TTC39B: variants seen among roughly 807,000 people sequenced by gnomAD.
TTC39B encodes the protein tetratricopeptide repeat domain 39B.
A neutral mutation model predicts 96.6 loss-of-function variants in TTC39B; 92 were observed. That is an observed-to-expected ratio of 0.95 (90% CI 0.80 to 1.13). The LOEUF (loss-of-function observed/expected upper bound fraction) is 1.13. TTC39B is among the 50% of genes most tolerant of loss of function. The probability of loss-of-function intolerance (pLI) is 0.00; values close to 1 mark genes in which losing one functional copy is unlikely to be tolerated. For synonymous variants in TTC39B, 367 were observed against 299.4 expected (o/e 1.23, Z -2.33); for missense variants, 955 against 809.3 (o/e 1.18, Z -2.18).
intron 1 of TTC39B, among the ~76,000 whole-genome samples, chr9:15,269,798 T>A (rs1427612058): frequency 6.8e-6 from 1 of 147,528 alleles, no homozygotes; most frequent in Non-Finnish European, 1.5e-5. Context: ...GACGTTACAG[T>A]GAGCCGAGAT....
chr9:15,186,842 C>T (rs1386840548), intron 15 of TTC39B, 102 bp downstream of exon 15: 1 of 1,042,182 alleles, frequency 9.6e-7, no homozygotes. Flanking sequence ...ACTACAAGCA[C>T]ATGCCACCAG....
At chr9:15,166,025 A>C (rs1451335007) in exon 20 of TTC39B, 4 of 152,212 alleles carry the variant, frequency 2.6e-5, no homozygotes, top group Non-Finnish European at 5.9e-5. Context: ...GACTACCAAT[A>C]ATTAAAACTA....
intron 2 of TTC39B, among the ~76,000 whole-genome samples, chr9:15,235,670 A>G (rs1821745531): frequency 6.6e-6 from 1 of 152,228 alleles, no homozygotes; most frequent in Non-Finnish European, 1.5e-5. Context: ...AGCATCCTTA[A>G]AGAAAAAAAA....
At chr9:15,238,976 C>T (rs1342474396) in intron 2 of TTC39B, among the ~76,000 whole-genome samples, 1 of 152,130 alleles carries the variant, frequency 6.6e-6, no homozygotes, top group Admixed American at 6.5e-5. Flanking sequence ...CAGAGTGAGA[C>T]CCTGTCTCAA....
At chr9:15,271,254 AT>A (rs1260877326) in intron 1 of TTC39B, among the ~76,000 whole-genome samples, 1 of 152,072 alleles carries the variant, frequency 6.6e-6, no homozygotes, top group Non-Finnish European at 1.5e-5. Context: ...TTTGTGTTTA[AT>A]TTTGCCATCT....
intron 9 of TTC39B, 97 bp from the exon 10 acceptor site, chr9:15,191,352 T>A: frequency 1.3e-6 from 1 of 776,856 alleles, no homozygotes; most frequent in Non-Finnish European, 2.1e-6. Flanking sequence ...TTCAATAACA[T>A]GAGAAATTGG....
At chr9:15,267,024 A>C (rs899026888) in intron 2 of TTC39B, among the ~76,000 whole-genome samples, 1 of 152,174 alleles carries the variant, frequency 6.6e-6, no homozygotes. Context: ...GCTTGCAGTG[A>C]GCCGAGATCG....
chr9:15,298,271 T>A (rs1218284245), intron 1 of TTC39B, among the ~76,000 whole-genome samples: 2 of 152,162 alleles, frequency 1.3e-5, no homozygotes, highest in Non-Finnish European at 2.9e-5. Flanking sequence ...CCTCTGTGCT[T>A]GGACTGAGCC....
In TTC39B at chr9:15,263,751, A is replaced by T. The variant is rs182647087; in HGVS notation, c.275+4163T>A. 2.5e-3 allele frequency among the ~76,000 whole-genome samples: 383 copies of T among 152,244 alleles called. 4 individuals carry two copies. Among genetic ancestry groups the T allele is most frequent in the African/African-American group, 8.8e-3 (367 of 41,526 alleles). ...TCTTCGTGTATGGACTCCAGCACCTAATCTGGCTACCCCTTCTGATTTTGG... is the reference window on the plus strand; with the variant it reads ...TCTTCGTGTATGGACTCCAGCACCTTATCTGGCTACCCCTTCTGATTTTGG... On this transcript the variant is annotated intron_variant, in intron 2 of 19. Coordinates refer to ENST00000512701, the Ensembl canonical transcript of TTC39B.
At chr9:15,225,373 T>G (rs1383822299) in intron 3 of TTC39B, among the ~76,000 whole-genome samples, 2 of 152,192 alleles carry the variant, frequency 1.3e-5, no homozygotes, top group African/African-American at 4.8e-5. Context: ...CTCTGAATTT[T>G]CTACAATGAA....
At chr9:15,272,035 TCATGCATCTGTTC>T (rs1308465130) in intron 1 of TTC39B, among the ~76,000 whole-genome samples, 1 of 152,194 alleles carries the variant, frequency 6.6e-6, no homozygotes, top group Non-Finnish European at 1.5e-5. Context: ...CAGAGACTGC[TCATGCATCTGTTC>T]CATATCCCTA....
chr9:15,293,888 G>A (rs1355195463), intron 1 of TTC39B, among the ~76,000 whole-genome samples: 1 of 152,172 alleles, frequency 6.6e-6, no homozygotes, highest in Non-Finnish European at 1.5e-5. Flanking sequence ...ACTGTGGGCT[G>A]TAACCAATCC....
intron 2 of TTC39B, among the ~76,000 whole-genome samples, chr9:15,241,601 G>C (rs1822043025): frequency 6.6e-6 from 1 of 152,088 alleles, no homozygotes; most frequent in South Asian, 2.1e-4. Flanking sequence ...TAAAAACATT[G>C]TAAAAAGTTG....
At chr9:15,291,335 T>C (rs1173078466) in intron 1 of TTC39B, among the ~76,000 whole-genome samples, 1 of 152,354 alleles carries the variant, frequency 6.6e-6, no homozygotes, top group East Asian at 1.9e-4. Flanking sequence ...TGAGATCTGA[T>C]GGTTTTAAAA....
chr9:15,267,262 C>A (rs1258898607), intron 2 of TTC39B, among the ~76,000 whole-genome samples: 2 of 152,196 alleles, frequency 1.3e-5, no homozygotes, highest in African/African-American at 4.8e-5. Flanking sequence ...TTAAGCCACC[C>A]AGGCTATTGT....
intron 1 of TTC39B, among the ~76,000 whole-genome samples, chr9:15,281,625 C>CAAAAAAAAAAAAAAAAAAAAAAAAA (rs1161175672): frequency 2.0e-5 from 1 of 49,008 alleles, no homozygotes; most frequent in African/African-American, 9.5e-5. Flanking sequence ...CCTGCAACAG[C>CAAAAAAAAAAAAAAAAAAAAAAAAA]AAAAAAAAAA....
intron 7 of TTC39B, among the ~76,000 whole-genome samples, chr9:15,203,581 A>G (rs1819670189): frequency 6.6e-6 from 1 of 152,144 alleles, no homozygotes; most frequent in Non-Finnish European, 1.5e-5. Context: ...TTAAAGACAC[A>G]GTCTTTAAAG....
chr9:15,273,864 T>A (rs1823444741), intron 1 of TTC39B, among the ~76,000 whole-genome samples: 1 of 152,212 alleles, frequency 6.6e-6, no homozygotes, highest in Non-Finnish European at 1.5e-5. Flanking sequence ...ATGAAGAGGA[T>A]GCCCCAACTT....
chr9:15,282,571 A>G (rs551696808), intron 1 of TTC39B, among the ~76,000 whole-genome samples: 3 of 152,364 alleles, frequency 2.0e-5, no homozygotes, highest in Admixed American at 1.3e-4. Flanking sequence ...CTAAAATTCC[A>G]TATGAGGTGT....
Sources: allele counts gnomAD v4.1 joint callset (sites outside exome capture counted in the v4.1 genomes callset), GRCh38; gene constraint gnomAD v4.1.1; transcripts MANE v1.5; gene names NCBI Gene and HGNC (gene_info 2026-07-23, HGNC 2026-07-21).